Variants in CSMD2 observed in about 807,000 individuals in gnomAD.
CSMD2 encodes CUB and Sushi multiple domains 2, also known as CUB and sushi domain-containing protein 2.
In CSMD2, 130 loss-of-function variants were observed where a neutral mutation model predicts 398.5. The ratio of observed to expected loss-of-function variants is 0.33; its 90% CI spans 0.28 to 0.38. CSMD2 has a LOEUF of 0.38. Ranked by LOEUF, CSMD2 falls within the 10% of genes least tolerant of loss-of-function variation. CSMD2 has a pLI of 1.00. For synonymous variants in CSMD2, 1,828 were observed against 1,908.5 expected (o/e 0.96, Z 1.10); for missense variants, 3,829 against 4,764.9 (o/e 0.80, Z 5.78).
intron 7 of CSMD2, among the ~76,000 whole-genome samples, chr1:33,824,581 C>T (rs976892061): frequency 3.3e-5 from 5 of 152,088 alleles, no homozygotes; most frequent in South Asian, 2.1e-4. Context: ...GCACAGAGCT[C>T]GAAAACCACC....
At chr1:33,571,788 A>G (rs1659621754) in intron 50 of CSMD2, 62 bp from the exon 51 acceptor site, 4 of 1,272,780 alleles carry the variant, frequency 3.1e-6, no homozygotes, top group Non-Finnish European at 4.1e-6. Context: ...AGACCTTGTA[A>G]GAGCCCAGAT....
intron 5 of CSMD2, among the ~76,000 whole-genome samples, chr1:33,851,059 G>A (rs184182019): frequency 2.0e-5 from 3 of 152,248 alleles, no homozygotes; most frequent in Non-Finnish European, 4.4e-5. Context: ...ATTGTAAGTC[G>A]AGGGGGAGGA....
chr1:34,156,898 A>C (rs1640861434), intron 1 of CSMD2, among the ~76,000 whole-genome samples: 1 of 152,218 alleles, frequency 6.6e-6, no homozygotes, highest in Non-Finnish European at 1.5e-5. Flanking sequence ...AAAGTAAGAG[A>C]GTCTCTAGGA....
Position 33,617,379 on chromosome 1 carries a change from AC to A in CSMD2, c.5946+119del. On this transcript the variant is annotated intron_variant, in intron 38 of 70. Coordinates refer to ENST00000373381, the MANE Select transcript of CSMD2 (RefSeq NM_001281956.2). ...AACAGCTCCAGGAGAGGATAATGGT[AC>A]CCGGGGGACCTGGGGGCTGCTCCCT... is the stretch of plus-strand genomic sequence containing the variant. 4.1e-6 allele frequency: 3 copies of A among 723,756 alleles called. No individual in the cohort carries two copies. The African/African-American group carries it at 5.2e-5, about 13-fold the overall frequency. The allele number at this position is 723,756 out of a possible 1,614,324, so 44.8% of individuals were successfully genotyped here. A position where few individuals can be genotyped will look rare whatever the true frequency, so the allele number is the denominator to read the frequency against.
In CSMD2 at chr1:33,557,830, A is replaced by G; in HGVS notation, c.8647T>C (p.Ser2883Pro). 6.5e-7 allele frequency: 1 copy of G among 1,536,002 alleles called. No individual in the cohort carries two copies. The highest frequency in any genetic ancestry group is 8.7e-7 in the Non-Finnish European group (1 of 1,146,850). The change falls in exon 55 of 71, where the codon TCT (serine) becomes CCT (proline). Residue 2883 changes from serine (S) to proline (P), a missense_variant. By Grantham distance (74) the Ser-to-Pro change is moderately conservative (BLOSUM62 -1). Transcript: ENST00000373381. ...PHRFSFGTTV[S>P]YRCNHGFYLL... ...TAGAAGCCGTGGTTGCACCGGTAAG[A>G]CACAGTGGTGCCGAAGCTGAACCTG...
chr1:34,051,475 G>A (rs535299278), intron 2 of CSMD2, among the ~76,000 whole-genome samples: 80 of 152,128 alleles, frequency 5.3e-4, no homozygotes, highest in Middle Eastern at 3.4e-3. Context: ...ATAAATATAC[G>A]TAAATATAAA....
chr1:33,592,970 A>T (rs569854322), intron 44 of CSMD2, among the ~76,000 whole-genome samples: 1 of 151,956 alleles, frequency 6.6e-6, no homozygotes, highest in South Asian at 2.1e-4. Flanking sequence ...AAAAATTATC[A>T]TGACATATGT....
intron 10 of CSMD2, among the ~76,000 whole-genome samples, chr1:33,803,021 G>A (rs1448349957): frequency 6.6e-6 from 1 of 152,096 alleles, no homozygotes; most frequent in African/African-American, 2.4e-5. Flanking sequence ...TGCCCCTAGA[G>A]CTTCACTGCA....
chr1:33,875,447 A>G (rs952722281), intron 5 of CSMD2: 7 of 152,230 alleles, frequency 4.6e-5, no homozygotes, highest in Non-Finnish European at 5.9e-5. Context: ...TCCAGATATC[A>G]TCACGTATAA....
intron 5 of CSMD2, among the ~76,000 whole-genome samples, chr1:33,912,277 G>C (rs938984403): frequency 2.4e-4 from 37 of 152,266 alleles, no homozygotes; most frequent in African/African-American, 8.9e-4. Context: ...GCAAGGAAGA[G>C]AGACTGGGAA....
intron 2 of CSMD2, among the ~76,000 whole-genome samples, chr1:34,058,585 C>A (rs909395332): frequency 6.6e-6 from 1 of 152,168 alleles, no homozygotes; most frequent in African/African-American, 2.4e-5. Flanking sequence ...CCAAGGCAGA[C>A]GAGACAGGGA....
At chr1:34,106,138 T>C (rs1387459874) in intron 1 of CSMD2, among the ~76,000 whole-genome samples, 1 of 152,094 alleles carries the variant, frequency 6.6e-6, no homozygotes. Context: ...GCATATAATA[T>C]GGTCCATGCC....
intron 49 of CSMD2, among the ~76,000 whole-genome samples, chr1:33,576,064 C>G (rs962783255): frequency 6.6e-6 from 1 of 152,116 alleles, no homozygotes; most frequent in Non-Finnish European, 1.5e-5. Context: ...GACAAACTTT[C>G]TGGGAGGCAA....
intron 32 of CSMD2, among the ~76,000 whole-genome samples, chr1:33,627,246 G>A (rs1642185225): frequency 6.6e-6 from 1 of 152,216 alleles, no homozygotes; most frequent in African/African-American, 2.4e-5. Flanking sequence ...ACCTGCATGG[G>A]CACAGGAAAC....
In CSMD2 at chr1:33,648,554, C is replaced by A. The variant is rs74794350; in HGVS notation, c.4587-1719G>T. 4.4e-3 allele frequency among the ~76,000 whole-genome samples: 671 copies of A among 152,146 alleles called. 2 individuals are homozygous for A. The highest frequency in any genetic ancestry group is 0.018 in the South Asian group (87 of 4,818). ...GTCAAAGCAAAAGTGGAGCAAAGGT[C>A]AAGGTAATGGGTTTTTTTCTTTTTT... On this transcript the variant is annotated intron_variant, in intron 28 of 70. Transcript: ENST00000373381.
chr1:33,791,567 C>T (rs929723367), intron 11 of CSMD2, among the ~76,000 whole-genome samples: 3 of 152,112 alleles, frequency 2.0e-5, no homozygotes, highest in Non-Finnish European at 2.9e-5. Flanking sequence ...CTCACTGCAG[C>T]CTCAACCTCC....
At chr1:34,023,365 C>A (rs912874268) in intron 3 of CSMD2, among the ~76,000 whole-genome samples, 1 of 152,156 alleles carries the variant, frequency 6.6e-6, no homozygotes, top group Non-Finnish European at 1.5e-5. Context: ...TAGAACCCAG[C>A]CTATACGCTA....
rs751324482 is a variant in CSMD2 at position 33,617,579 on chromosome 1, T to C, written c.5866A>G (p.Ser1956Gly). ...LSSCPEPAVP[S>G]NGVKTGERYL... Reference sequence around the variant, plus strand: ...CGCTCGCCAGTCTTCACCCCGTTACTGGGCACAGCAGGTTCCGGACAACTG... The same window carrying C: ...CGCTCGCCAGTCTTCACCCCGTTACCGGGCACAGCAGGTTCCGGACAACTG... The change falls in exon 38 of 71, where the codon AGT becomes GGT. Residue 1956 changes from serine (S) to glycine (G), a missense_variant. Around this residue, in one of 5 missense-constraint regions of CSMD2, gnomAD observed 2,001 missense variants for 2,567.1 expected, o/e 0.78. Transcript: ENST00000373381. 3 of 1,614,116 alleles carry C rather than the reference T, an allele frequency of 1.9e-6. No individual in the cohort carries two copies. The highest frequency in any genetic ancestry group is 2.2e-5 in the South Asian group (2 of 91,072).
intron 24 of CSMD2, among the ~76,000 whole-genome samples, chr1:33,695,181 A>C (rs1645378757): frequency 6.6e-6 from 1 of 152,146 alleles, no homozygotes; most frequent in African/African-American, 2.4e-5. Flanking sequence ...GGAGGTGAGG[A>C]ACAGCATGGC....
Sources: gnomAD v4.1 joint callset for allele counts (sites outside exome capture counted in the v4.1 genomes callset) on GRCh38, gnomAD v4.1.1 for gene constraint, gnomAD v4.1.1 regional missense constraint, MANE v1.5 for transcripts, NCBI Gene and HGNC (gene_info 2026-07-23, HGNC 2026-07-21) for gene names.